The following FREM1 variants were observed in gnomAD, a reference collection of about 807,000 sequenced individuals.
The protein encoded by FREM1 is FRAS1 related extracellular matrix 1.
In FREM1, 220 loss-of-function variants were observed where a neutral mutation model predicts 210.1. That is an observed-to-expected ratio of 1.05 (90% CI 0.94 to 1.17). The LOEUF is 1.17. FREM1 is among the 50% of genes most tolerant of loss of function. The probability of loss-of-function intolerance (pLI) is 0.00; values close to 1 mark genes in which losing one functional copy is unlikely to be tolerated. For missense variants in FREM1, 3,454 were observed against 2,675.5 expected (o/e 1.29, Z -6.42); for synonymous variants, 1,189 against 980.2 (o/e 1.21, Z -3.98).
At chr9:14,797,406 T>A in intron 21 of FREM1, 92 bp downstream of exon 21, 1 of 1,052,744 alleles carries the variant, frequency 9.5e-7, no homozygotes. Context: ...AAGACTTGCT[T>A]CTTTGGGAGA....
Position 14,842,674 on chromosome 9 carries a change from C to T in FREM1, c.1394-14G>A. 6.3e-7 allele frequency: 1 copy of T among 1,594,554 alleles called. No homozygotes were observed. The highest frequency in any genetic ancestry group is 8.6e-7 in the Non-Finnish European group (1 of 1,164,714). ...ACCCTTTCCCCCCTGAGGGAGAGAG[C>T]AGAGATGGAGCAGATTGAGCAAGGG... is the stretch of plus-strand genomic sequence containing the variant. On this transcript the variant is annotated splice_polypyrimidine_tract_variant and intron_variant, in intron 8 of 36. Coordinates refer to ENST00000380880, the MANE Select transcript of FREM1 (RefSeq NM_001379081.2).
intron 35 of FREM1, among the ~76,000 whole-genome samples, chr9:14,745,348 T>C (rs1001619443): frequency 2.0e-5 from 3 of 152,322 alleles, no homozygotes; most frequent in Non-Finnish European, 2.9e-5. Context: ...TGGTATTTCA[T>C]TGTGGTTTTC....
intron 20 of FREM1, 46 bp from the exon 21 acceptor site, chr9:14,797,688 C>T (rs1049485044): frequency 6.7e-7 from 1 of 1,497,216 alleles, no homozygotes; most frequent in Non-Finnish European, 9.2e-7. Context: ...ATGATTGAAC[C>T]ATCATGACAT....
At chr9:14,787,422 T>C (rs1850591149) in intron 23 of FREM1, among the ~76,000 whole-genome samples, 2 of 152,218 alleles carry the variant, frequency 1.3e-5, no homozygotes, top group Admixed American at 1.3e-4. Context: ...TAATCACATG[T>C]CAATTGCAGC....
chr9:14,880,017 G>A (rs2132116214), intron 1 of FREM1, among the ~76,000 whole-genome samples: 1 of 152,246 alleles, frequency 6.6e-6, no homozygotes, highest in Middle Eastern at 3.4e-3. Flanking sequence ...GGGCCTTGTG[G>A]AGGCGTTAGG....
intron 31 of FREM1, 43 bp downstream of exon 31, chr9:14,748,358 T>C (rs1842811831): frequency 9.4e-7 from 1 of 1,064,426 alleles, no homozygotes. Context: ...ATCCTTTTAA[T>C]ATGTATTTTG....
chr9:14,784,989 A>G (rs1322775797), intron 23 of FREM1, among the ~76,000 whole-genome samples: 1 of 152,212 alleles, frequency 6.6e-6, no homozygotes, highest in East Asian at 1.9e-4. Flanking sequence ...CTTGCATACA[A>G]TTTTGGAAAG....
At chr9:14,851,192 A>T (rs1827673594) in intron 6 of FREM1, 92 bp downstream of exon 6, 2 of 876,268 alleles carry the variant, frequency 2.3e-6, no homozygotes, top group Non-Finnish European at 3.5e-6. Context: ...GAGGCAATGA[A>T]TGTACAAAGG....
Position 14,746,354 on chromosome 9 carries a change from G to A in FREM1, c.6253C>T (p.Gln2085Ter), listed in dbSNP as rs750736195. 1 of 1,610,566 alleles carries A rather than the reference G, an allele frequency of 6.2e-7. No individual in the cohort carries two copies. The highest frequency in any genetic ancestry group is 1.7e-5 in the Admixed American group (1 of 60,002). The change falls in exon 35 of 37, where the codon CAA becomes TAA. Residue 2085 changes from glutamine (Q) to a stop codon, truncating the protein, a stop_gained and splice_region_variant. Coordinates refer to ENST00000380880, the MANE Select transcript of FREM1 (RefSeq NM_001379081.2). LOFTEE classifies it high-confidence loss of function. ...WNAAAQACRE[Q>*]YLGNLVTVFS... is the part of the protein sequence containing the mutation. ...CAAATGTGCAATAGGGTGCCTTACT[G>A]TTCCCTGCAAGCTTGGGCAGCCGCA... is the stretch of plus-strand genomic sequence containing the variant.
chr9:14,891,390 G>T (rs890686931), intron 1 of FREM1, among the ~76,000 whole-genome samples: 3 of 152,204 alleles, frequency 2.0e-5, no homozygotes, highest in Non-Finnish European at 4.4e-5. Flanking sequence ...CTTAGAGAGT[G>T]TACAGTGTAA....
At position 14,747,364 on chromosome 9, in the gene FREM1, T is replaced by C. The variant is rs199497460; in HGVS notation, c.5909A>G (p.Lys1970Arg). Reference sequence around the variant, plus strand: ...TTGTGGCTGACTAATGATGGATACTTTGGCCTTCCTTTTGTGAGTTGGGAA... The same window carrying C: ...TTGTGGCTGACTAATGATGGATACTCTGGCCTTCCTTTTGTGAGTTGGGAA... ...DSFPTHKRKA[K>R]VSIISQPQKT... The change falls in exon 33 of 37, where the codon AAA (lysine) becomes AGA (arginine). Residue 1970 changes from lysine to arginine, a missense_variant. By Grantham distance (26) the Lys-to-Arg change is conservative. Transcript: ENST00000380880. 154 of 1,613,784 alleles carry C rather than the reference T, an allele frequency of 9.5e-5. No individual in the cohort carries two copies. In the African/African-American group the frequency reaches 1.9e-3, roughly 19 times the overall value.
At chr9:14,747,182 G>A (rs1842622599) in intron 33 of FREM1, 82 bp downstream of exon 33, 2 of 1,570,462 alleles carry the variant, frequency 1.3e-6, no homozygotes, top group Non-Finnish European at 1.7e-6. Flanking sequence ...AACCTTGGAG[G>A]CTATTTTGTG....
intron 1 of FREM1, among the ~76,000 whole-genome samples, chr9:14,886,616 A>G (rs185670927): frequency 5.1e-4 from 77 of 152,050 alleles, no homozygotes; most frequent in African/African-American, 1.7e-3. Flanking sequence ...AATAGAATGT[A>G]CAGGGGCGGT....
intron 10 of FREM1, among the ~76,000 whole-genome samples, chr9:14,840,884 C>T (rs1279553675): frequency 6.6e-6 from 1 of 152,208 alleles, no homozygotes; most frequent in Non-Finnish European, 1.5e-5. Flanking sequence ...ATTATATCCT[C>T]TAGTGGTAGA....
At chr9:14,781,708 A>C (rs1181636550) in intron 24 of FREM1, among the ~76,000 whole-genome samples, 1 of 152,040 alleles carries the variant, frequency 6.6e-6, no homozygotes, top group African/African-American at 2.4e-5. Flanking sequence ...GGCTTCTATA[A>C]ATTCTTTTTT....
At chr9:14,754,359 C>T (rs905207385) in intron 29 of FREM1, among the ~76,000 whole-genome samples, 2 of 152,180 alleles carry the variant, frequency 1.3e-5, no homozygotes, top group African/African-American at 4.8e-5. Context: ...AACAGGATCT[C>T]TTCCCACAAA....
intron 27 of FREM1, among the ~76,000 whole-genome samples, chr9:14,768,176 A>T (rs1315022040): frequency 6.6e-6 from 1 of 152,114 alleles, no homozygotes; most frequent in Non-Finnish European, 1.5e-5. Context: ...TGTCAGCTAC[A>T]CTGCGCTCAC....
intron 21 of FREM1, among the ~76,000 whole-genome samples, chr9:14,796,187 G>A (rs1852344416): frequency 6.6e-6 from 1 of 152,158 alleles, no homozygotes; most frequent in South Asian, 2.1e-4. Flanking sequence ...GGACTTGTTT[G>A]AGGCCCTCCT....
At chr9:14,899,544 G>A (rs549017553) in intron 1 of FREM1, among the ~76,000 whole-genome samples, 1 of 152,314 alleles carries the variant, frequency 6.6e-6, no homozygotes, top group African/African-American at 2.4e-5. Context: ...GAAAAAATAT[G>A]TGCAGGAGGA....
Sources: gnomAD v4.1 joint callset for allele counts (sites outside exome capture counted in the v4.1 genomes callset) on GRCh38, gnomAD v4.1.1 for gene constraint, MANE v1.5 for transcripts, NCBI Gene and HGNC (gene_info 2026-07-23, HGNC 2026-07-21) for gene names.